ERLEC1: variants seen among roughly 807,000 people sequenced by gnomAD.
The protein encoded by ERLEC1 is ER lectin.
Under a neutral mutation model 68.0 loss-of-function variants are expected in ERLEC1, and 47 were observed. The observed-to-expected ratio is 0.69, with a 90% CI of 0.55 to 0.88. The LOEUF is 0.88. ERLEC1 is among the 40% of genes least tolerant of loss of function. The pLI, the probability that ERLEC1 is intolerant of heterozygous loss-of-function variation, is 0.00. For synonymous variants in ERLEC1, 225 were observed against 203.2 expected (o/e 1.11, Z -0.91); for missense variants, 567 against 583.8 (o/e 0.97, Z 0.30).
At chr2:53,800,024 A>C (rs925419830) in intron 6 of ERLEC1, among the ~76,000 whole-genome samples, 11 of 152,280 alleles carry the variant, frequency 7.2e-5, no homozygotes, top group African/African-American at 2.4e-4. Flanking sequence ...AGACACTGCC[A>C]GACATTTAAC....
intron 1 of ERLEC1, among the ~76,000 whole-genome samples, chr2:53,789,223 A>G (rs1362406464): frequency 2.0e-5 from 3 of 151,890 alleles, no homozygotes; most frequent in Non-Finnish European, 2.9e-5. Context: ...GTGAAACCCC[A>G]TCTCTACTAA....
chr2:53,787,845 C>G (rs1427119674), intron 1 of ERLEC1, among the ~76,000 whole-genome samples: 1 of 152,224 alleles, frequency 6.6e-6, no homozygotes, highest in African/African-American at 2.4e-5. Flanking sequence ...CACGGACATA[C>G]GCAAACGCAC....
intron 6 of ERLEC1, among the ~76,000 whole-genome samples, chr2:53,800,118 T>A (rs1236593669): frequency 6.6e-6 from 1 of 152,168 alleles, no homozygotes; most frequent in Non-Finnish European, 1.5e-5. Flanking sequence ...ATGAGAATTA[T>A]GTGGTTACGT....
chr2:53,812,255 C>G (rs2104334859), intron 10 of ERLEC1, among the ~76,000 whole-genome samples: 1 of 152,054 alleles, frequency 6.6e-6, no homozygotes, highest in Non-Finnish European at 1.5e-5. Context: ...CTATTAGTGC[C>G]CAGCATGGTT....
chr2:53,798,907 TAA>T (rs986829435), intron 5 of ERLEC1, 138 bp from the exon 6 acceptor site: 28 of 540,644 alleles, frequency 5.2e-5, no homozygotes, highest in Non-Finnish European at 9.4e-6. Flanking sequence ...AAACTAGCTT[TAA>T]AGTAGTAAGA....
At chr2:53,800,484 C>G (rs1289747171) in intron 6 of ERLEC1, among the ~76,000 whole-genome samples, 1 of 152,050 alleles carries the variant, frequency 6.6e-6, no homozygotes, top group Non-Finnish European at 1.5e-5. Flanking sequence ...CCAGGATTTT[C>G]TAATTTCAGA....
At position 53,795,949 on chromosome 2, in the gene ERLEC1, A is replaced by T. The variant is rs201749817; in HGVS notation, c.284A>T (p.Tyr95Phe). 3 of 1,599,842 alleles carry T rather than the reference A, an allele frequency of 1.9e-6. No individual in the cohort carries two copies. In the Admixed American group the frequency reaches 5.4e-5, roughly 29 times the overall value. ...CTTTCTTAGGAAGAAGAAAAGGATT[A>T]TAAAGGCCCTAATCCAAGAGAGCTT... is the stretch of plus-strand genomic sequence containing the variant. ...TSGDEEEEKD[Y>F]KGPNPRELLE... The change falls in exon 3 of 14, where the codon TAT (tyrosine) becomes TTT (phenylalanine). Residue 95 changes from tyrosine to phenylalanine, a missense_variant. Tyr to Phe is a conservative substitution (Grantham distance 22). Coordinates refer to ENST00000185150, the MANE Select transcript of ERLEC1 (RefSeq NM_015701.5).
At position 53,818,165 on chromosome 2, in the gene ERLEC1, T is replaced by C. The variant is rs1677000184; in HGVS notation, c.*196T>C. 2.4e-6 allele frequency: 1 copy of C among 424,174 alleles called. No homozygotes were observed. The highest frequency in any genetic ancestry group is 4.2e-6 in the Non-Finnish European group (1 of 235,430). The allele number at this position is 424,174 out of a possible 1,614,324, so 26.3% of individuals were successfully genotyped here. ...CTTCTGAGGCAGACATTTGTCTCGC[T>C]TTTTTTCATTTTTGTTGTGTCTTAT... On this transcript the variant is annotated 3_prime_UTR_variant, in exon 14 of 14. Transcript: ENST00000185150.
intron 13 of ERLEC1, 59 bp downstream of exon 13, chr2:53,814,994 T>TG: frequency 2.4e-6 from 2 of 823,920 alleles, no homozygotes; most frequent in African/African-American, 1.9e-5. Flanking sequence ...AATTTTTTTT[T>TG]CTTTTTTTTT....
chr2:53,812,830 T>A, intron 10 of ERLEC1, 119 bp from the exon 11 acceptor site: 2 of 1,005,082 alleles, frequency 2.0e-6, no homozygotes, highest in Non-Finnish European at 2.9e-6. Context: ...TCATTACACC[T>A]AAATATAGAT....
At chr2:53,811,227 G>T (rs1289407449) in intron 10 of ERLEC1, among the ~76,000 whole-genome samples, 2 of 152,154 alleles carry the variant, frequency 1.3e-5, no homozygotes, top group Non-Finnish European at 2.9e-5. Context: ...AACCAGACCA[G>T]ACCTCTGCTA....
At chr2:53,814,780 G>T in intron 12 of ERLEC1, 80 bp from the exon 13 acceptor site, 1 of 1,150,566 alleles carries the variant, frequency 8.7e-7, no homozygotes, top group Non-Finnish European at 1.3e-6. Context: ...CACTTGAGTG[G>T]GATTTTTAAG....
intron 6 of ERLEC1, among the ~76,000 whole-genome samples, chr2:53,800,175 A>G (rs371882520): frequency 6.0e-4 from 92 of 152,244 alleles, no homozygotes; most frequent in South Asian, 2.1e-3. Flanking sequence ...ACACAAACCT[A>G]CGTGGTATGT....
chr2:53,793,915 T>G (rs554653765), intron 1 of ERLEC1, among the ~76,000 whole-genome samples: 56 of 152,298 alleles, frequency 3.7e-4, no homozygotes, highest in African/African-American at 1.0e-3. Flanking sequence ...GGTCATTATC[T>G]TAAGTGAATT....
Position 53,809,200 on chromosome 2 carries a change from T to G in ERLEC1, c.1042-14T>G. 1 of 1,578,532 alleles carries G rather than the reference T, an allele frequency of 6.3e-7. No individual in the cohort carries two copies. The highest frequency in any genetic ancestry group is 8.6e-7 in the Non-Finnish European group (1 of 1,169,036). On this transcript the variant is annotated splice_polypyrimidine_tract_variant and intron_variant, in intron 9 of 13. Coordinates refer to ENST00000185150, the MANE Select transcript of ERLEC1 (RefSeq NM_015701.5). The stretch of plus-strand genomic sequence containing the variant: ...AGTTCTTAACTTGATCTAATATGTT[T>G]TCTTTTTTTTTAGGGTGTCGGTTGG...
intron 11 of ERLEC1, 40 bp from the exon 12 acceptor site, chr2:53,814,503 G>T (rs1363035993): frequency 6.9e-7 from 1 of 1,446,690 alleles, no homozygotes; most frequent in African/African-American, 1.4e-5. Flanking sequence ...CTATTAGTGA[G>T]ATTTTAGTTT....
intron 1 of ERLEC1, chr2:53,787,693 C>G: frequency 3.7e-6 from 1 of 269,210 alleles, no homozygotes; most frequent in Non-Finnish European, 7.0e-6. Context: ...ACTTACTCAT[C>G]TTCCTTTCGG....
intron 9 of ERLEC1, 40 bp from the exon 10 acceptor site, chr2:53,809,174 C>T (rs758342188): frequency 2.1e-6 from 3 of 1,450,532 alleles, no homozygotes; most frequent in South Asian, 1.3e-5. Context: ...GAGAAAGGCC[C>T]AGTTCTTAAC....
intron 1 of ERLEC1, among the ~76,000 whole-genome samples, chr2:53,788,095 C>A (rs575424716): frequency 1.3e-5 from 2 of 152,302 alleles, no homozygotes; most frequent in East Asian, 3.9e-4. Flanking sequence ...TTCCTGTCCA[C>A]GTGTACCTAC....
Sources: gnomAD v4.1 joint callset for allele counts (sites outside exome capture counted in the v4.1 genomes callset) on GRCh38, gnomAD v4.1.1 for gene constraint, MANE v1.5 for transcripts, NCBI Gene and HGNC (gene_info 2026-07-23, HGNC 2026-07-21) for gene names.